The following PLPPR1 variants were observed in gnomAD, a reference collection of about 807,000 sequenced individuals.
The protein encoded by PLPPR1 is phospholipid phosphatase-related protein type 1.
Under a neutral mutation model 33.1 loss-of-function variants are expected in PLPPR1, and 10 were observed. The observed-to-expected ratio is 0.30, with a 90% CI of 0.19 to 0.51. PLPPR1 has a LOEUF of 0.51. Among genes scored for constraint, PLPPR1 ranks in the 20% least tolerant of loss-of-function variants. The probability of loss-of-function intolerance (pLI) is 0.97; values close to 1 mark genes in which losing one functional copy is unlikely to be tolerated. For synonymous variants in PLPPR1, 151 were observed against 151.0 expected (o/e 1.00, Z 0.00); for missense variants, 304 against 408.1 (o/e 0.74, Z 2.20).
At chr9:101,113,168 A>G (rs998182852) in intron 1 of PLPPR1, among the ~76,000 whole-genome samples, 1 of 151,810 alleles carries the variant, frequency 6.6e-6, no homozygotes, top group Non-Finnish European at 1.5e-5. Flanking sequence ...TTATAAGAAT[A>G]ATTTTATTCT....
intron 2 of PLPPR1, among the ~76,000 whole-genome samples, chr9:101,205,646 A>G (rs892598534): frequency 6.6e-6 from 1 of 152,290 alleles, no homozygotes; most frequent in South Asian, 2.1e-4. Context: ...ACCACTTAAG[A>G]GCTCTGTCAT....
chr9:101,144,845 C>T (rs189378699), intron 1 of PLPPR1, among the ~76,000 whole-genome samples: 1 of 152,220 alleles, frequency 6.6e-6, no homozygotes, highest in Admixed American at 6.5e-5. Context: ...TTTCATTTCC[C>T]CACCTTCTCA....
At chr9:101,150,001 A>T (rs1047822950) in intron 1 of PLPPR1, among the ~76,000 whole-genome samples, 1 of 151,910 alleles carries the variant, frequency 6.6e-6, no homozygotes, top group East Asian at 1.9e-4. Context: ...AACTTGTTTT[A>T]TGTCATTTCT....
intron 2 of PLPPR1, 157 bp from the exon 3 acceptor site, chr9:101,269,723 A>T (rs1309637860): frequency 3.0e-6 from 2 of 673,370 alleles, no homozygotes; most frequent in Non-Finnish European, 5.3e-6. Context: ...ACAAGCAAGC[A>T]CACACTCCCA....
intron 2 of PLPPR1, among the ~76,000 whole-genome samples, chr9:101,235,850 G>T (rs1438648970): frequency 6.6e-6 from 1 of 151,762 alleles, no homozygotes; most frequent in Non-Finnish European, 1.5e-5. Context: ...GTAATTTCCT[G>T]AATTAGTCTT....
rs568423530 is a variant in PLPPR1 at position 101,154,662 on chromosome 9, C to T, written c.-45-30788C>T. Among the ~76,000 whole-genome samples, 162 of 152,054 alleles carry T rather than the reference C, an allele frequency of 1.1e-3. 5 individuals carry two copies. In the South Asian group the frequency reaches 0.032, roughly 30 times the overall value. On this transcript the variant is annotated intron_variant, in intron 1 of 7. Coordinates refer to ENST00000374874, the MANE Select transcript of PLPPR1 (RefSeq NM_207299.2). ...GTGCTGCTATAAAGACACATGCACACGTATGTTTATTGCAGCACTGTTCAC... is the reference window on the plus strand; with the variant it reads ...GTGCTGCTATAAAGACACATGCACATGTATGTTTATTGCAGCACTGTTCAC...
At chr9:101,223,233 G>A (rs1826989722) in intron 2 of PLPPR1, among the ~76,000 whole-genome samples, 1 of 151,640 alleles carries the variant, frequency 6.6e-6, no homozygotes, top group East Asian at 1.9e-4. Context: ...CTATTTGGGA[G>A]GCTGAAGTGG....
At chr9:101,101,649 C>A (rs1388991408) in intron 1 of PLPPR1, among the ~76,000 whole-genome samples, 1 of 151,916 alleles carries the variant, frequency 6.6e-6, no homozygotes, top group Non-Finnish European at 1.5e-5. Context: ...ATGAATGAAA[C>A]GATAAACAAA....
chr9:101,302,346 G>C (rs1302090229), intron 4 of PLPPR1, among the ~76,000 whole-genome samples: 1 of 152,208 alleles, frequency 6.6e-6, no homozygotes, highest in Non-Finnish European at 1.5e-5. Flanking sequence ...GAAATGGGAT[G>C]AACATGGTAA....
chr9:101,207,534 TG>T (rs1034184939), intron 2 of PLPPR1, among the ~76,000 whole-genome samples: 1 of 152,096 alleles, frequency 6.6e-6, no homozygotes, highest in East Asian at 1.9e-4. Flanking sequence ...TGAGATGAAG[TG>T]GGGGTGTGAG....
At chr9:101,163,287 T>C (rs1235477145) in intron 1 of PLPPR1, among the ~76,000 whole-genome samples, 1 of 152,210 alleles carries the variant, frequency 6.6e-6, no homozygotes, top group Non-Finnish European at 1.5e-5. Context: ...GGGTAAGAAC[T>C]ACAAATGCTG....
intron 1 of PLPPR1, among the ~76,000 whole-genome samples, chr9:101,055,598 C>G (rs1156835220): frequency 3.3e-5 from 5 of 152,210 alleles, no homozygotes; most frequent in African/African-American, 1.2e-4. Context: ...TATGTAATCA[C>G]TGGCCCTTAG....
intron 2 of PLPPR1, among the ~76,000 whole-genome samples, chr9:101,192,350 TATC>T (rs2118730244): frequency 1.3e-5 from 2 of 152,338 alleles, no homozygotes; most frequent in East Asian, 3.9e-4. Flanking sequence ...CTTATTAAAG[TATC>T]ATAATTTTAT....
intron 2 of PLPPR1, among the ~76,000 whole-genome samples, chr9:101,236,536 T>TCACA (rs60508436): frequency 0.38 from 57,140 of 148,534 alleles, 10,843 homozygotes; most frequent in South Asian, 0.47. Context: ...CTCTCTAAAC[T>TCACA]CACACACACA....
chr9:101,100,468 T>G (rs1178883991), intron 1 of PLPPR1, among the ~76,000 whole-genome samples: 1 of 152,126 alleles, frequency 6.6e-6, no homozygotes, highest in Non-Finnish European at 1.5e-5. Context: ...TGGAACTGTC[T>G]GCCTTTGTAT....
chr9:101,313,327 G>C lies in PLPPR1; in HGVS notation c.813+353G>C, dbSNP rs1049149094. ...CTAAGTATTTGTTCTCAGCATATTG[G>C]GGGCAAAAGCTAAGTGTTCCTTGAG... On this transcript the variant is annotated intron_variant, in intron 6 of 7. Transcript: ENST00000374874. 7.9e-5 allele frequency among the ~76,000 whole-genome samples: 12 copies of C among 152,032 alleles called. No individual in the cohort carries two copies. The South Asian group carries it at 2.5e-3, about 32-fold the overall frequency.
chr9:101,249,871 C>G (rs1382719340), intron 2 of PLPPR1, among the ~76,000 whole-genome samples: 1 of 152,052 alleles, frequency 6.6e-6, no homozygotes, highest in Non-Finnish European at 1.5e-5. Context: ...CTTCTCATCT[C>G]TTGCTGGACA....
At chr9:101,296,886 T>A (rs1828654404) in intron 4 of PLPPR1, among the ~76,000 whole-genome samples, 1 of 152,090 alleles carries the variant, frequency 6.6e-6, no homozygotes, top group African/African-American at 2.4e-5. Context: ...GCATGTCACA[T>A]GTATACATAT....
chr9:101,153,038 AT>A (rs1197517141), intron 1 of PLPPR1, among the ~76,000 whole-genome samples: 1 of 152,178 alleles, frequency 6.6e-6, no homozygotes, highest in African/African-American at 2.4e-5. Flanking sequence ...CGAGCAGGGA[AT>A]GTTCTTCCAT....
Sources: gnomAD v4.1 joint callset for allele counts (sites outside exome capture counted in the v4.1 genomes callset) on GRCh38, gnomAD v4.1.1 for gene constraint, MANE v1.5 for transcripts, NCBI Gene and HGNC (gene_info 2026-07-23, HGNC 2026-07-21) for gene names.